COL4A4: variants seen among roughly 807,000 people sequenced by gnomAD.
COL4A4 encodes collagen type IV alpha 4 chain, also known as collagen alpha-4(IV) chain.
A neutral mutation model predicts 192.9 loss-of-function variants in COL4A4; 105 were observed. The ratio of observed to expected loss-of-function variants is 0.54; its 90% CI spans 0.46 to 0.64. The LOEUF (loss-of-function observed/expected upper bound fraction) is 0.64, where lower values mean the gene tolerates loss of function less well. COL4A4 is among the 30% of genes least tolerant of loss of function. The pLI, the probability that COL4A4 is intolerant of heterozygous loss-of-function variation, is 0.00. For synonymous variants in COL4A4, 762 were observed against 769.9 expected (o/e 0.99, Z 0.17); for missense variants, 1,967 against 2,169.3 (o/e 0.91, Z 1.85).
chr2:226,978,520 C>G, the COL4A4 span, among the ~76,000 whole-genome samples: 2 of 152,178 alleles, frequency 1.3e-5, no homozygotes, highest in Non-Finnish European at 2.9e-5. Context: ...GAGCCTCAGT[C>G]TTTACATCTG....
chr2:227,053,537 CTTTTTCTTT>C (rs1974596181), intron 31 of COL4A4, among the ~76,000 whole-genome samples: 1 of 128,804 alleles, frequency 7.8e-6, no homozygotes, highest in Non-Finnish European at 1.6e-5. Context: ...ACATTTTTTT[CTTTTTCTTT>C]TTTTTTTTTT....
At chr2:226,998,577 TTC>T (rs1960103267), downstream of COL4A4, 1 of 152,140 alleles carries the variant, frequency 6.6e-6, no homozygotes, top group African/African-American at 2.4e-5. Flanking sequence ...CCTAAGTTTC[TTC>T]TCTTTTTTTT....
At chr2:227,105,381 G>A (rs1248318527) in intron 12 of COL4A4, among the ~76,000 whole-genome samples, 1 of 151,716 alleles carries the variant, frequency 6.6e-6, no homozygotes, top group Non-Finnish European at 1.5e-5. Flanking sequence ...CAGTAGAGAT[G>A]GGATTTCGCC....
At chr2:227,028,848 G>A (rs572135534) in intron 41 of COL4A4, among the ~76,000 whole-genome samples, 6 of 151,920 alleles carry the variant, frequency 3.9e-5, no homozygotes, top group African/African-American at 1.2e-4. Flanking sequence ...GTAGAGATGG[G>A]GGTCTCACTG....
At chr2:227,034,276 T>C (rs923549614) in intron 37 of COL4A4, among the ~76,000 whole-genome samples, 6 of 152,216 alleles carry the variant, frequency 3.9e-5, no homozygotes, top group Non-Finnish European at 8.8e-5. Context: ...CAACGTATGT[T>C]GAGTTGTGTT....
intron 47 of COL4A4, 43 bp from the exon 48 acceptor site, chr2:227,007,631 G>C (rs376636859): frequency 8.1e-6 from 13 of 1,611,438 alleles, no homozygotes; most frequent in Middle Eastern, 2.3e-4. Flanking sequence ...GACACACACA[G>C]ACAACCCCAG....
chr2:227,059,547 G>A lies in COL4A4; in HGVS notation c.2241C>T (p.Pro747=), dbSNP rs374510402. 7.2e-5 allele frequency: 117 copies of A among 1,613,976 alleles called. No homozygotes were observed. The African/African-American group carries it at 1.0e-3, about 14-fold the overall frequency. ...GSSPVGPPGP[P]GSPGVNGQKG... Reference sequence around the variant, plus strand: ...TCTGACCATTCACTCCTGGTGAGCCGGGAGGGCCTGGGGGCCCAACAGGGG... The same window carrying A: ...TCTGACCATTCACTCCTGGTGAGCCAGGAGGGCCTGGGGGCCCAACAGGGG... The change falls in exon 28 of 48, where the codon CCC becomes CCT. Residue 747 remains proline (P), a synonymous_variant. Transcript: ENST00000396625.
intron 44 of COL4A4, among the ~76,000 whole-genome samples, chr2:227,016,120 G>A (rs900122584): frequency 2.0e-5 from 3 of 151,980 alleles, no homozygotes; most frequent in South Asian, 2.1e-4. Context: ...GGCATTTTGG[G>A]TCCTCACATG....
the COL4A4 span, among the ~76,000 whole-genome samples, chr2:226,977,305 T>A: frequency 6.6e-6 from 1 of 152,160 alleles, no homozygotes. Flanking sequence ...TTTTTTTCTG[T>A]AAACACAAAT....
chr2:227,055,184 T>C (rs1324896583), intron 30 of COL4A4, among the ~76,000 whole-genome samples: 4 of 152,132 alleles, frequency 2.6e-5, no homozygotes, highest in African/African-American at 7.2e-5. Flanking sequence ...GCTGAGTTTG[T>C]ATTCAAAGTA....
chr2:227,096,129 T>C (rs574089621), intron 19 of COL4A4, among the ~76,000 whole-genome samples: 1 of 152,256 alleles, frequency 6.6e-6, no homozygotes, highest in African/African-American at 2.4e-5. Context: ...TTAGAAAAGA[T>C]GATTCAGCTT....
At chr2:227,011,923 T>A (rs1963809399) in intron 45 of COL4A4, among the ~76,000 whole-genome samples, 1 of 152,210 alleles carries the variant, frequency 6.6e-6, no homozygotes, top group African/African-American at 2.4e-5. Flanking sequence ...TTGATGATGA[T>A]GTATAGCAGT....
Position 227,084,054 on chromosome 2 carries a change from G to A in COL4A4, c.1624-1867C>T, listed in dbSNP as rs191684655. ...AGTATAGCATCCTGTTTGTAGCAAT[G>A]TCTGTGAACCATCAAAAAGGTGGGT... On this transcript the variant is annotated intron_variant, in intron 22 of 47. Transcript: ENST00000396625. Among the ~76,000 whole-genome samples the A allele has an allele frequency of 4.0e-3, 613 of 152,312 alleles. 4 individuals carry two copies. Among genetic ancestry groups the A allele is most frequent in the Non-Finnish European group, 3.8e-3 (259 of 68,036 alleles).
chr2:227,162,428 CAT>C (rs1362559771), intron 1 of COL4A4, among the ~76,000 whole-genome samples: 2 of 152,128 alleles, frequency 1.3e-5, no homozygotes, highest in Non-Finnish European at 2.9e-5. Flanking sequence ...GTTTGTGAAA[CAT>C]AATCATGTGA....
At chr2:227,051,817 G>A (rs10184991) in intron 32 of COL4A4, among the ~76,000 whole-genome samples, 78,683 of 152,000 alleles carry the variant, frequency 0.52, 20,556 homozygotes, top group South Asian at 0.63. Flanking sequence ...AAATCTAGGA[G>A]TACACAGGAA....
intron 1 of COL4A4, among the ~76,000 whole-genome samples, chr2:227,162,781 C>T (rs1025772705): frequency 1.3e-5 from 2 of 152,170 alleles, no homozygotes. Context: ...ATAAAATTGG[C>T]TTGGAATGGT....
chr2:227,101,055 G>A (rs918332006), intron 17 of COL4A4, among the ~76,000 whole-genome samples: 13 of 152,166 alleles, frequency 8.5e-5, no homozygotes, highest in South Asian at 2.1e-4. Flanking sequence ...TGATCTGCCC[G>A]CCTCGGCCTC....
chr2:227,019,484 G>C (rs1358368672), intron 44 of COL4A4, among the ~76,000 whole-genome samples: 1 of 152,178 alleles, frequency 6.6e-6, no homozygotes, highest in Non-Finnish European at 1.5e-5. Context: ...AGGCCAACCA[G>C]CCCAGTCTGT....
At chr2:227,109,058 G>C in intron 10 of COL4A4, 166 bp downstream of exon 10, 1 of 890,676 alleles carries the variant, frequency 1.1e-6, no homozygotes, top group Non-Finnish European at 1.9e-6. Flanking sequence ...GCAGGGACCT[G>C]TGCTTCAAGA....
Sources: allele counts gnomAD v4.1 joint callset (sites outside exome capture counted in the v4.1 genomes callset), GRCh38; gene constraint gnomAD v4.1.1; transcripts MANE v1.5; gene names NCBI Gene and HGNC (gene_info 2026-07-23, HGNC 2026-07-21).